Variants in BCKDHB observed in about 807,000 individuals in gnomAD.
BCKDHB encodes branched chain keto acid dehydrogenase E1 subunit beta, also known as 2-oxoisovalerate dehydrogenase subunit beta, mitochondrial.
In BCKDHB, 41 loss-of-function variants were observed where a neutral mutation model predicts 48.5. That is an observed-to-expected ratio of 0.85 (90% CI 0.66 to 1.10). BCKDHB has a LOEUF of 1.10. Ranked by LOEUF, BCKDHB falls within the 50% of genes least tolerant of loss-of-function variation. The pLI is 0.00. For synonymous variants in BCKDHB, 201 were observed against 174.8 expected (o/e 1.15, Z -1.18); for missense variants, 496 against 494.2 (o/e 1.00, Z -0.03).
At chr6:80,276,182 C>T (rs1333843850) in intron 9 of BCKDHB, among the ~76,000 whole-genome samples, 2 of 152,002 alleles carry the variant, frequency 1.3e-5, no homozygotes, top group Non-Finnish European at 2.9e-5. Context: ...GTTTGCTCCA[C>T]AGGCGATTTT....
chr6:80,149,165 T>C (rs1042206752), intron 3 of BCKDHB, among the ~76,000 whole-genome samples: 28 of 152,188 alleles, frequency 1.8e-4, no homozygotes, highest in South Asian at 2.1e-4. Flanking sequence ...GCGAAGGACA[T>C]GAACAGACAC....
At chr6:80,202,077 C>G (rs1774422553) in intron 7 of BCKDHB, among the ~76,000 whole-genome samples, 1 of 151,958 alleles carries the variant, frequency 6.6e-6, no homozygotes, top group South Asian at 2.1e-4. Context: ...ACTTTTTGAT[C>G]CACATCTCTG....
intron 8 of BCKDHB, 53 bp from the exon 9 acceptor site, chr6:80,273,082 T>C (rs1777818839): frequency 1.5e-6 from 2 of 1,322,370 alleles, no homozygotes; most frequent in Non-Finnish European, 2.2e-6. Context: ...ACTACCATCA[T>C]ATATATAAAA....
chr6:80,167,141 T>A (rs929457582), intron 3 of BCKDHB, among the ~76,000 whole-genome samples: 1 of 152,180 alleles, frequency 6.6e-6, no homozygotes, highest in African/African-American at 2.4e-5. Context: ...TCCCTCTTTA[T>A]CTCTGGTATG....
chr6:80,230,023 G>GTTTTTTTTTTTTTTT (rs1215666594), intron 8 of BCKDHB, among the ~76,000 whole-genome samples: 2 of 89,510 alleles, frequency 2.2e-5, no homozygotes, highest in African/African-American at 5.7e-5. Flanking sequence ...GGGTTTTTAG[G>GTTTTTTTTTTTTTTT]TTGTTTTTTT....
chr6:80,430,798 G>A, the BCKDHB span, among the ~76,000 whole-genome samples: 5 of 151,984 alleles, frequency 3.3e-5, no homozygotes, highest in East Asian at 9.6e-4. Flanking sequence ...TATTTGAAGG[G>A]TTTTTTGTGT....
chr6:80,419,663 G>A, the BCKDHB span, among the ~76,000 whole-genome samples: 2 of 152,304 alleles, frequency 1.3e-5, no homozygotes, highest in African/African-American at 2.4e-5. Context: ...TGTGTCTGTG[G>A]TGTTTGAGGG....
rs776173510 is a variant in BCKDHB at position 80,169,797 on chromosome 6, G to T, written c.633+767G>T. ...ATGTTTTATTCTTTTTTTCTTATTT[G>T]TTTTTTCTACCAGATCAAAGTTATA... On this transcript the variant is annotated intron_variant, in intron 5 of 9. Transcript: ENST00000320393. 34 of 1,598,782 alleles carry T rather than the reference G, an allele frequency of 2.1e-5. No individual in the cohort carries two copies. The East Asian group carries it at 5.6e-4, about 26-fold the overall frequency.
chr6:80,131,163 G>C (rs905233201), intron 3 of BCKDHB, among the ~76,000 whole-genome samples: 16 of 152,086 alleles, frequency 1.1e-4, no homozygotes, highest in African/African-American at 3.9e-4. Flanking sequence ...TCATACACTG[G>C]TGACTCCTGA....
intron 3 of BCKDHB, among the ~76,000 whole-genome samples, chr6:80,155,844 T>TA (rs1206299654): frequency 6.6e-6 from 1 of 151,738 alleles, no homozygotes; most frequent in African/African-American, 2.4e-5. Flanking sequence ...AAGTTGTTTT[T>TA]TTTTTTTTTT....
chr6:80,436,144 T>TTTA, the BCKDHB span, among the ~76,000 whole-genome samples: 1 of 134,362 alleles, frequency 7.4e-6, no homozygotes, highest in Non-Finnish European at 1.5e-5. Context: ...GAAAAATTCT[T>TTTA]TTCTTTTTTT....
intron 8 of BCKDHB, among the ~76,000 whole-genome samples, chr6:80,251,084 A>T (rs1330246637): frequency 1.3e-5 from 2 of 152,144 alleles, no homozygotes; most frequent in Non-Finnish European, 2.9e-5. Flanking sequence ...AAGTCATTTA[A>T]CTTTGTAGAC....
chr6:80,277,806 C>A (rs138926272), intron 9 of BCKDHB, among the ~76,000 whole-genome samples: 2 of 151,618 alleles, frequency 1.3e-5, no homozygotes, highest in Admixed American at 6.6e-5. Context: ...CTGTGGATAC[C>A]AACATATATT....
At position 80,151,057 on chromosome 6, in the gene BCKDHB, C is replaced by T. The variant is rs139412504; in HGVS notation, c.344-16621C>T. Among the ~76,000 whole-genome samples, 10 of 152,248 alleles carry T rather than the reference C, an allele frequency of 6.6e-5. No homozygotes were observed. The East Asian group carries it at 1.9e-3, about 29-fold the overall frequency. On this transcript the variant is annotated intron_variant, in intron 3 of 9. Transcript: ENST00000320393. The stretch of plus-strand genomic sequence containing the variant: ...GTGTACTTATTCACACATGAATTCA[C>T]ATGTATTTTACCTAAGATTAATATG...
the BCKDHB span, among the ~76,000 whole-genome samples, chr6:80,352,596 T>C: frequency 6.6e-6 from 1 of 152,244 alleles, no homozygotes; most frequent in Non-Finnish European, 1.5e-5. Flanking sequence ...TCAACCATTC[T>C]AATAGTTTGC....
intron 8 of BCKDHB, among the ~76,000 whole-genome samples, chr6:80,247,070 T>A (rs2127926950): frequency 6.6e-6 from 1 of 152,348 alleles, no homozygotes; most frequent in East Asian, 1.9e-4. Flanking sequence ...ATATAAGCTC[T>A]CAATTCTACA....
intron 3 of BCKDHB, among the ~76,000 whole-genome samples, chr6:80,154,323 A>G (rs1283939450): frequency 6.6e-6 from 1 of 152,146 alleles, no homozygotes; most frequent in South Asian, 2.1e-4. Flanking sequence ...ATCAAGTGAT[A>G]TTTTTTACTG....
chr6:80,419,551 C>T, the BCKDHB span, among the ~76,000 whole-genome samples: 1 of 152,156 alleles, frequency 6.6e-6, no homozygotes, highest in Non-Finnish European at 1.5e-5. Flanking sequence ...CCTGGCCATG[C>T]TTTATTACAG....
chr6:80,178,770 A>G (rs1211832781), intron 6 of BCKDHB, among the ~76,000 whole-genome samples: 1 of 152,228 alleles, frequency 6.6e-6, no homozygotes, highest in Admixed American at 6.5e-5. Flanking sequence ...AGGATTGGGC[A>G]TGTTTGGCAC....
Sources: gnomAD v4.1 joint callset for allele counts (sites outside exome capture counted in the v4.1 genomes callset) on GRCh38, gnomAD v4.1.1 for gene constraint, MANE v1.5 for transcripts, NCBI Gene and HGNC (gene_info 2026-07-23, HGNC 2026-07-21) for gene names.